SPATS2: variants seen among roughly 807,000 people sequenced by gnomAD.
SPATS2 encodes spermatogenesis-associated serine-rich protein 2.
Under a neutral mutation model 63.7 loss-of-function variants are expected in SPATS2, and 38 were observed. That is an observed-to-expected ratio of 0.60 (90% CI 0.46 to 0.78). SPATS2 has a LOEUF of 0.78. Ranked by LOEUF, SPATS2 falls within the 30% of genes least tolerant of loss-of-function variation. SPATS2 has a pLI of 0.00. For synonymous variants in SPATS2, 207 were observed against 232.9 expected (o/e 0.89, Z 1.01); for missense variants, 588 against 666.2 (o/e 0.88, Z 1.29).
At chr12:49,498,790 A>ATTTT (rs147335434) in intron 8 of SPATS2, among the ~76,000 whole-genome samples, 26 of 95,070 alleles carry the variant, frequency 2.7e-4, no homozygotes, top group African/African-American at 5.4e-4. Context: ...TATGGTATCT[A>ATTTT]TTTTTTTTTT....
intron 10 of SPATS2, 37 bp from the exon 11 acceptor site, chr12:49,519,036 C>A: frequency 6.5e-7 from 1 of 1,530,390 alleles, no homozygotes; most frequent in Non-Finnish European, 9.0e-7. Flanking sequence ...TCCTATTTAG[C>A]AGCAACATAA....
At chr12:49,434,057 CT>C (rs1945231432) in intron 2 of SPATS2, among the ~76,000 whole-genome samples, 1 of 152,106 alleles carries the variant, frequency 6.6e-6, no homozygotes, top group Non-Finnish European at 1.5e-5. Flanking sequence ...ATCTAATGTT[CT>C]TGGCCCCTTT....
intron 2 of SPATS2, chr12:49,389,862 A>G (rs1944389541): frequency 1.1e-5 from 9 of 841,882 alleles, no homozygotes; most frequent in Non-Finnish European, 1.9e-5. Flanking sequence ...AATGGCTAGC[A>G]AAAAAGATGA....
intron 2 of SPATS2, among the ~76,000 whole-genome samples, chr12:49,429,600 C>G (rs1218744408): frequency 1.3e-5 from 2 of 151,698 alleles, no homozygotes; most frequent in Non-Finnish European, 2.9e-5. Flanking sequence ...CATGTGCCAC[C>G]ACGTACCCAG....
chr12:49,511,537 A>G (rs1946753646), intron 9 of SPATS2, among the ~76,000 whole-genome samples: 1 of 152,114 alleles, frequency 6.6e-6, no homozygotes. Context: ...GAAGCTTAGT[A>G]CCCTGAGGTA....
rs777029715 is a variant in SPATS2, at chr12:49,524,715, C to A, written c.1145C>A (p.Ser382Tyr). The A allele has an allele frequency of 9.3e-6, 15 of 1,614,092 alleles. No individual in the cohort carries two copies. Among genetic ancestry groups the A allele is most frequent in the Non-Finnish European group, 1.1e-5 (13 of 1,180,052 alleles). Residue 382 changes from serine (S) to tyrosine (Y), a missense_variant, in exon 13 of 14, where the codon TCC (serine) becomes TAC (tyrosine). Coordinates refer to ENST00000552918, the MANE Select transcript of SPATS2 (RefSeq NM_023071.4). The part of the protein sequence containing the change: ...SHPKNSYSTR[S>Y]RCSSVTSVSL... ...CCAAAGAACAGCTATTCGACCAGATCCCGATGTAGCTCAGTTACATCTGTG... is the reference window on the plus strand; with the variant it reads ...CCAAAGAACAGCTATTCGACCAGATACCGATGTAGCTCAGTTACATCTGTG...
intron 7 of SPATS2, among the ~76,000 whole-genome samples, 175 bp downstream of exon 7, chr12:49,495,177 CA>C (rs1267759302): frequency 6.6e-6 from 1 of 151,982 alleles, no homozygotes; most frequent in Non-Finnish European, 1.5e-5. Flanking sequence ...TTATAATTAT[CA>C]AAGGCCTAGA....
At chr12:49,508,705 G>T (rs574284859) in intron 9 of SPATS2, among the ~76,000 whole-genome samples, 2 of 151,414 alleles carry the variant, frequency 1.3e-5, no homozygotes, top group African/African-American at 4.8e-5. Context: ...CAAGTGCTGG[G>T]ATAGCAGGCA....
chr12:49,372,264 C>T (rs1019087512), intron 2 of SPATS2, among the ~76,000 whole-genome samples: 2 of 152,134 alleles, frequency 1.3e-5, no homozygotes, highest in Non-Finnish European at 2.9e-5. Context: ...AGTGTAATCT[C>T]AAACTCCTGG....
chr12:49,485,351 G>C (rs1458038035), intron 4 of SPATS2, among the ~76,000 whole-genome samples: 1 of 151,718 alleles, frequency 6.6e-6, no homozygotes, highest in African/African-American at 2.4e-5. Context: ...ACCATGCCCG[G>C]CCGAAATAGG....
At chr12:49,496,153 CAT>C (rs964370785) in intron 7 of SPATS2, among the ~76,000 whole-genome samples, 1 of 152,162 alleles carries the variant, frequency 6.6e-6, no homozygotes, top group African/African-American at 2.4e-5. Context: ...TAGAGAAAAA[CAT>C]TGCACTGACT....
chr12:49,367,303 A>G, upstream of SPATS2: 1 of 364,198 alleles, frequency 2.7e-6, no homozygotes, highest in Non-Finnish European at 4.9e-6. Flanking sequence ...CGCGCCCGAG[A>G]GGGCTCCGGG....
intron 4 of SPATS2, chr12:49,486,326 C>T (rs1224847165): frequency 7.3e-6 from 3 of 412,262 alleles, no homozygotes; most frequent in Non-Finnish European, 1.5e-5. Flanking sequence ...CTGCCTCAAC[C>T]TCCCGTGTAG....
chr12:49,523,223 C>T (rs1429178253), intron 12 of SPATS2, among the ~76,000 whole-genome samples: 1 of 152,128 alleles, frequency 6.6e-6, no homozygotes. Context: ...ATCTATAATC[C>T]CAACAACTGG....
chr12:49,487,802 C>T (rs1186195113), intron 4 of SPATS2, among the ~76,000 whole-genome samples: 1 of 152,070 alleles, frequency 6.6e-6, no homozygotes, highest in Non-Finnish European at 1.5e-5. Flanking sequence ...ACTATGTTGC[C>T]TAGGCTGATC....
intron 2 of SPATS2, among the ~76,000 whole-genome samples, chr12:49,428,773 G>T (rs1381627135): frequency 1.3e-5 from 2 of 152,120 alleles, no homozygotes; most frequent in Admixed American, 1.3e-4. Flanking sequence ...CTCCCTTTAT[G>T]GGTTAGAATC....
intron 2 of SPATS2, among the ~76,000 whole-genome samples, chr12:49,417,058 G>C (rs555794417): frequency 6.6e-6 from 1 of 152,298 alleles, no homozygotes; most frequent in East Asian, 1.9e-4. Flanking sequence ...GGTTTGTCAA[G>C]AGCTGTGGAA....
rs776078408 is a variant in SPATS2, at chr12:49,524,865, C to G, written c.1295C>G (p.Ser432Cys). 6.2e-7 allele frequency: 1 copy of G among 1,612,608 alleles called. No individual in the cohort carries two copies. The highest frequency in any genetic ancestry group is 1.1e-5 in the South Asian group (1 of 91,046). Residue 432 changes from serine (S) to cysteine (C), a missense_variant, in exon 13 of 14, where the codon TCC becomes TGC. Physicochemically the swap from Ser to Cys is moderately radical, Grantham distance 112 (BLOSUM62 -1). Transcript: ENST00000552918. The part of the protein sequence containing the change: ...PGETPAAIAN[S>C]SGQPYQPLRE... ...GAGACTCCTGCAGCCATAGCAAACT[C>G]CAGTGGCCAGCCCTACCAGCCACTT...
chr12:49,372,629 T>C (rs1221612850), intron 2 of SPATS2, among the ~76,000 whole-genome samples: 1 of 152,234 alleles, frequency 6.6e-6, no homozygotes, highest in Non-Finnish European at 1.5e-5. Context: ...CTGCCTTTGA[T>C]TGAAATTTAG....
Sources: gnomAD v4.1 joint callset for allele counts (sites outside exome capture counted in the v4.1 genomes callset) on GRCh38, gnomAD v4.1.1 for gene constraint, MANE v1.5 for transcripts, NCBI Gene and HGNC (gene_info 2026-07-23, HGNC 2026-07-21) for gene names.